WWOX: variants seen among roughly 807,000 people sequenced by gnomAD.
WWOX encodes WW domain containing oxidoreductase, also known as WW domain-containing oxidoreductase.
Under a neutral mutation model 46.2 loss-of-function variants are expected in WWOX, and 69 were observed. That is an observed-to-expected ratio of 1.49 (90% CI 1.23 to 1.82). WWOX has a LOEUF of 1.82. WWOX is among the 40% of genes most tolerant of loss of function. The probability of loss-of-function intolerance (pLI) is 0.00; values close to 1 mark genes in which losing one functional copy is unlikely to be tolerated. For missense variants in WWOX, 919 were observed against 542.6 expected (o/e 1.69, Z -6.89); for synonymous variants, 359 against 202.6 (o/e 1.77, Z -6.56).
At chr16:78,241,506 G>A (rs1380405823) in intron 5 of WWOX, among the ~76,000 whole-genome samples, 2 of 152,228 alleles carry the variant, frequency 1.3e-5, no homozygotes, top group South Asian at 4.1e-4. Context: ...TCGGCTCACT[G>A]CAGACTCTTC....
At chr16:78,429,094 T>G (rs1314100469) in intron 7 of WWOX, among the ~76,000 whole-genome samples, 1 of 152,218 alleles carries the variant, frequency 6.6e-6, no homozygotes, top group African/African-American at 2.4e-5. Context: ...GAGTCCTTAC[T>G]ATGTGTCAGG....
intron 5 of WWOX, among the ~76,000 whole-genome samples, chr16:78,357,575 G>A (rs1382714723): frequency 6.6e-6 from 1 of 152,118 alleles, no homozygotes; most frequent in Non-Finnish European, 1.5e-5. Context: ...CGTGGTCTGG[G>A]ACACATTTGT....
intron 4 of WWOX, among the ~76,000 whole-genome samples, chr16:78,151,883 T>C (rs934593962): frequency 6.6e-6 from 1 of 152,148 alleles, no homozygotes; most frequent in African/African-American, 2.4e-5. Flanking sequence ...GTACTTTGAC[T>C]TTTTTTCTTA....
At chr16:78,838,911 G>T (rs533279898) in intron 8 of WWOX, among the ~76,000 whole-genome samples, 1 of 152,082 alleles carries the variant, frequency 6.6e-6, no homozygotes, top group Non-Finnish European at 1.5e-5. Flanking sequence ...GAGAGGAGTG[G>T]GGGGTGAGTG....
chr16:78,745,522 C>CTTTTTTTTTTTTTTTTTTT (rs5818168), intron 8 of WWOX, among the ~76,000 whole-genome samples: 7 of 92,754 alleles, frequency 7.5e-5, no homozygotes, highest in African/African-American at 1.4e-4. Context: ...TGTGGAAATC[C>CTTTTTTTTTTTTTTTTTTT]TTTTTTTTTT....
At chr16:78,955,431 G>A (rs1384875465) in intron 8 of WWOX, among the ~76,000 whole-genome samples, 1 of 152,224 alleles carries the variant, frequency 6.6e-6, no homozygotes, top group East Asian at 1.9e-4. Flanking sequence ...GTCCCAGAGA[G>A]CTTGGGCCAA....
intron 6 of WWOX, among the ~76,000 whole-genome samples, chr16:78,406,859 C>T (rs1300990499): frequency 6.6e-6 from 1 of 152,064 alleles, no homozygotes; most frequent in Non-Finnish European, 1.5e-5. Context: ...CTCATGACCT[C>T]AAGTGATCCG....
intron 8 of WWOX, among the ~76,000 whole-genome samples, chr16:78,666,095 G>C (rs916935852): frequency 6.6e-6 from 1 of 152,012 alleles, no homozygotes; most frequent in Admixed American, 6.5e-5. Flanking sequence ...GAATAGCCTG[G>C]TTAACATAGT....
intron 8 of WWOX, among the ~76,000 whole-genome samples, chr16:79,167,696 CCCTTGTA>C (rs2050622204): frequency 6.6e-6 from 1 of 152,212 alleles, no homozygotes; most frequent in Non-Finnish European, 1.5e-5. Flanking sequence ...ACTTCAAAAA[CCCTTGTA>C]TCCTTGTTTT....
chr16:78,386,477 A>G (rs964148522), intron 5 of WWOX, among the ~76,000 whole-genome samples: 2 of 152,134 alleles, frequency 1.3e-5, no homozygotes, highest in African/African-American at 4.8e-5. Context: ...TGAAATTAAG[A>G]TATTGTCCAT....
chr16:78,877,225 A>T (rs888930608), intron 8 of WWOX, among the ~76,000 whole-genome samples: 2 of 152,176 alleles, frequency 1.3e-5, no homozygotes, highest in Non-Finnish European at 1.5e-5. Flanking sequence ...AGGCTGATTA[A>T]AAGGCAAAAT....
chr16:78,529,050 C>G (rs932322072), intron 8 of WWOX, among the ~76,000 whole-genome samples: 1 of 150,754 alleles, frequency 6.6e-6, no homozygotes, highest in Admixed American at 6.6e-5. Flanking sequence ...ACCTCTCTGG[C>G]TCCAGTGATC....
intron 8 of WWOX, among the ~76,000 whole-genome samples, chr16:78,577,101 C>G (rs372857454): frequency 1.3e-5 from 2 of 152,160 alleles, no homozygotes; most frequent in Non-Finnish European, 1.5e-5. Flanking sequence ...GGGGAACATT[C>G]TTCTCTTGGT....
intron 8 of WWOX, among the ~76,000 whole-genome samples, chr16:79,144,147 G>C (rs1237335808): frequency 6.6e-6 from 1 of 152,200 alleles, no homozygotes; most frequent in Non-Finnish European, 1.5e-5. Context: ...CGATCCTCCT[G>C]TCTCAGCCTC....
intron 8 of WWOX, among the ~76,000 whole-genome samples, chr16:78,539,060 C>T (rs542650186): frequency 3.5e-4 from 54 of 152,320 alleles, no homozygotes; most frequent in South Asian, 1.9e-3. Flanking sequence ...TGGCAGCAGT[C>T]ACAATTTTGT....
chr16:78,547,577 T>A (rs972352159), intron 8 of WWOX, among the ~76,000 whole-genome samples: 1 of 152,184 alleles, frequency 6.6e-6, no homozygotes, highest in Non-Finnish European at 1.5e-5. Flanking sequence ...TAACAAAATA[T>A]CATAAACTAG....
chr16:78,375,944 G>A (rs542269095), intron 5 of WWOX, among the ~76,000 whole-genome samples: 23 of 151,322 alleles, frequency 1.5e-4, no homozygotes, highest in African/African-American at 5.1e-4. Flanking sequence ...TCCGCATCCT[G>A]GTTTCAAGTG....
At chr16:78,269,359 C>G (rs2079429243) in intron 5 of WWOX, among the ~76,000 whole-genome samples, 1 of 152,154 alleles carries the variant, frequency 6.6e-6, no homozygotes, top group Non-Finnish European at 1.5e-5. Flanking sequence ...GAAAGGGACG[C>G]AAAAGCTAGT....
intron 8 of WWOX, chr16:79,206,147 A>T (rs1186144302): frequency 2.0e-5 from 3 of 152,202 alleles, no homozygotes; most frequent in Non-Finnish European, 2.9e-5. Flanking sequence ...ATCTCCTTTT[A>T]ACATTTCTCG....
Sources: gnomAD v4.1 joint callset for allele counts (sites outside exome capture counted in the v4.1 genomes callset) on GRCh38, gnomAD v4.1.1 for gene constraint, MANE v1.5 for transcripts, NCBI Gene and HGNC (gene_info 2026-07-23, HGNC 2026-07-21) for gene names.